The following RSF1 variants were observed in gnomAD, a reference collection of about 807,000 sequenced individuals.
The protein encoded by RSF1 is remodeling and spacing factor 1.
RSF1 carries 13 observed loss-of-function variants against 145.2 expected under a neutral mutation model. The ratio of observed to expected loss-of-function variants is 0.09; its 90% CI spans 0.06 to 0.14. RSF1 has a LOEUF of 0.14. RSF1 is among the 10% of genes least tolerant of loss of function. RSF1 has a pLI of 1.00. For missense variants in RSF1, 1,517 were observed against 1,718.2 expected (o/e 0.88, Z 2.07); for synonymous variants, 577 against 592.6 (o/e 0.97, Z 0.38).
the RSF1 span, among the ~76,000 whole-genome samples, chr11:77,833,470 A>T: frequency 6.6e-6 from 1 of 152,048 alleles, no homozygotes; most frequent in Non-Finnish European, 1.5e-5. Flanking sequence ...GCTGCTGCTG[A>T]TGTGTCAGGA....
chr11:77,848,658 C>T, the RSF1 span, among the ~76,000 whole-genome samples: 214 of 152,270 alleles, frequency 1.4e-3, 1 homozygote, highest in African/African-American at 4.9e-3. Context: ...CCGTGCCTGG[C>T]CAACCTCATT....
chr11:77,811,188 C>T (rs9988883), intron 1 of RSF1, among the ~76,000 whole-genome samples: 38,675 of 152,146 alleles, frequency 0.25, 5,629 homozygotes, highest in South Asian at 0.49. Flanking sequence ...ACCTTATTTA[C>T]AAAGATAGAG....
chr11:77,841,523 A>T, the RSF1 span, among the ~76,000 whole-genome samples: 12 of 152,314 alleles, frequency 7.9e-5, no homozygotes, highest in African/African-American at 2.9e-4. Context: ...CTGTGTGTAC[A>T]GGGGAGTGCG....
intron 1 of RSF1, among the ~76,000 whole-genome samples, chr11:77,791,788 C>T (rs1948519901): frequency 6.6e-6 from 1 of 152,178 alleles, no homozygotes; most frequent in African/African-American, 2.4e-5. Flanking sequence ...ACCACCTCAG[C>T]CTGGATCTTA....
intron 5 of RSF1, among the ~76,000 whole-genome samples, chr11:77,707,884 T>C (rs1271605747): frequency 6.6e-6 from 1 of 152,156 alleles, no homozygotes; most frequent in Non-Finnish European, 1.5e-5. Flanking sequence ...TAATCCTAAT[T>C]CACATAAATA....
chr11:77,756,578 T>G (rs1041845642), intron 2 of RSF1, among the ~76,000 whole-genome samples: 4 of 152,120 alleles, frequency 2.6e-5, no homozygotes. Flanking sequence ...GAAGACAACC[T>G]GTCATCATGG....
At chr11:77,797,212 G>A (rs761405136) in intron 1 of RSF1, among the ~76,000 whole-genome samples, 1 of 152,042 alleles carries the variant, frequency 6.6e-6, no homozygotes, top group Non-Finnish European at 1.5e-5. Flanking sequence ...AGACAATCCT[G>A]GGCAAGAAGA....
At chr11:77,694,809 G>A (rs1205382388) in intron 7 of RSF1, among the ~76,000 whole-genome samples, 7 of 152,230 alleles carry the variant, frequency 4.6e-5, no homozygotes, top group Admixed American at 2.6e-4. Flanking sequence ...GTACGTAACC[G>A]TTTCTTGGTC....
In RSF1 at chr11:77,664,553, G is replaced by A. The variant is rs1000609511; in HGVS notation, c.*2364C>T. ...CTTCTGATCACTTGGCTTAACTGAGGAATAGAATAGGTGGAAGAAGGAGCT... is the reference window on the plus strand; with the variant it reads ...CTTCTGATCACTTGGCTTAACTGAGAAATAGAATAGGTGGAAGAAGGAGCT... On this transcript the variant is annotated 3_prime_UTR_variant, in exon 16 of 16. Transcript: ENST00000308488. The A allele has an allele frequency of 6.6e-6, 1 of 152,130 alleles. No individual in the cohort carries two copies. The highest frequency in any genetic ancestry group is 1.5e-5 in the Non-Finnish European group (1 of 68,020). The allele number at this position is 152,130 out of a possible 1,614,324, so 9.4% of individuals were successfully genotyped here.
Position 77,666,853 on chromosome 11 carries a change from A to T in RSF1, c.*64T>A, listed in dbSNP as rs1959374129. On this transcript the variant is annotated 3_prime_UTR_variant, in exon 16 of 16. Transcript: ENST00000308488. Reference sequence around the variant, plus strand: ...TCTAGGAAAAATTAAACAGCTTTTAATAACTGGCCCGCTGGTGTGAGAGCT... The same window carrying T: ...TCTAGGAAAAATTAAACAGCTTTTATTAACTGGCCCGCTGGTGTGAGAGCT... The T allele has an allele frequency of 2.2e-6, 3 of 1,351,348 alleles. No individual in the cohort carries two copies. In the Admixed American group the frequency reaches 7.1e-5, roughly 32 times the overall value. 83.7% of individuals were successfully genotyped at this position (1,351,348 alleles called of 1,614,324 possible).
chr11:77,670,211 A>G (rs1168717243), intron 15 of RSF1, among the ~76,000 whole-genome samples: 1 of 152,080 alleles, frequency 6.6e-6, no homozygotes, highest in Non-Finnish European at 1.5e-5. Context: ...GCTTCATCTC[A>G]TTATGTCTGC....
chr11:77,743,942 A>C (rs1027117699), intron 3 of RSF1, among the ~76,000 whole-genome samples: 4 of 152,104 alleles, frequency 2.6e-5, no homozygotes, highest in Non-Finnish European at 5.9e-5. Context: ...AATTTTCTCA[A>C]ATGTTTTTTC....
intron 9 of RSF1, among the ~76,000 whole-genome samples, chr11:77,688,686 AG>A (rs1467826298): frequency 6.6e-6 from 1 of 152,130 alleles, no homozygotes; most frequent in Admixed American, 6.5e-5. Flanking sequence ...CCTACTTGGG[AG>A]GCTGGGGCAG....
the RSF1 span, among the ~76,000 whole-genome samples, chr11:77,849,283 G>A: frequency 5.4e-3 from 818 of 152,058 alleles, 9 homozygotes; most frequent in African/African-American, 0.017. Flanking sequence ...ATGCGGTGGC[G>A]TGACCTTGGC....
chr11:77,808,242 G>A (rs1215652432), intron 1 of RSF1, among the ~76,000 whole-genome samples: 2 of 151,970 alleles, frequency 1.3e-5, no homozygotes, highest in Admixed American at 1.3e-4. Flanking sequence ...GCTGAGGCAG[G>A]AGAATCACTT....
intron 1 of RSF1, among the ~76,000 whole-genome samples, chr11:77,793,831 G>A (rs970847316): frequency 6.6e-6 from 1 of 152,120 alleles, no homozygotes; most frequent in African/African-American, 2.4e-5. Flanking sequence ...TCCATCAAGG[G>A]TGTAAGAGTA....
At chr11:77,669,870 G>A (rs1256307437) in intron 15 of RSF1, among the ~76,000 whole-genome samples, 1 of 152,228 alleles carries the variant, frequency 6.6e-6, no homozygotes, top group Non-Finnish European at 1.5e-5. Context: ...GCTTACACCT[G>A]TAATCCTAAC....
At chr11:77,729,038 T>C (rs1197445506) in intron 4 of RSF1, among the ~76,000 whole-genome samples, 1 of 152,160 alleles carries the variant, frequency 6.6e-6, no homozygotes, top group Admixed American at 6.5e-5. Context: ...CAGTTACGGA[T>C]GTGCTCCAAG....
At chr11:77,820,053 C>G (rs1948837768) in intron 1 of RSF1, among the ~76,000 whole-genome samples, 1 of 152,156 alleles carries the variant, frequency 6.6e-6, no homozygotes, top group Non-Finnish European at 1.5e-5. Context: ...AGGAGGTGTC[C>G]GGAGCAGCCG....
Sources: gnomAD v4.1 joint callset for allele counts (sites outside exome capture counted in the v4.1 genomes callset) on GRCh38, gnomAD v4.1.1 for gene constraint, MANE v1.5 for transcripts, NCBI Gene and HGNC (gene_info 2026-07-23, HGNC 2026-07-21) for gene names.